The following ROBO2 variants were observed in gnomAD, a reference collection of about 807,000 sequenced individuals.
The protein encoded by ROBO2 is roundabout homolog 2.
In ROBO2, 53 loss-of-function variants were observed where a neutral mutation model predicts 160.8. The observed-to-expected ratio is 0.33, with a 90% CI of 0.26 to 0.41. The LOEUF is 0.41. ROBO2 is among the 10% of genes least tolerant of loss of function. ROBO2 has a pLI of 1.00. For missense variants in ROBO2, 1,577 were observed against 1,722.4 expected (o/e 0.92, Z 1.49); for synonymous variants, 664 against 611.7 (o/e 1.09, Z -1.26).
rs1159916465 is a variant in ROBO2, at chr3:77,188,831, A to G, written c.388+90491A>G. Among the ~76,000 whole-genome samples, 3 of 151,892 alleles carry G rather than the reference A, an allele frequency of 2.0e-5. No homozygotes were observed. The South Asian group carries it at 6.2e-4, about 31-fold the overall frequency. The stretch of plus-strand genomic sequence containing the variant: ...ATAGTCTTACATAGAGCCAAATAGC[A>G]GACTAGAATAAAAGGGATTATTTTA... On this transcript the variant is annotated intron_variant, in intron 2 of 25. Transcript: ENST00000461745.
intron 2 of ROBO2, among the ~76,000 whole-genome samples, chr3:77,024,931 C>A (rs1414726233): frequency 6.6e-6 from 1 of 151,524 alleles, no homozygotes; most frequent in African/African-American, 2.4e-5. Flanking sequence ...ATTAGCCTGA[C>A]CTTTTTCTGT....
At chr3:77,555,069 C>T (rs2093062307) in intron 8 of ROBO2, among the ~76,000 whole-genome samples, 1 of 151,992 alleles carries the variant, frequency 6.6e-6, no homozygotes, top group Non-Finnish European at 1.5e-5. Context: ...TAGCAACCAT[C>T]AGCACTGAGG....
rs149083886 is a variant in ROBO2 at position 76,868,460 on chromosome 3, A to G, written c.110-229554A>G. Among the ~76,000 whole-genome samples the G allele has an allele frequency of 3.9e-5, 6 of 152,346 alleles. 1 individual carries two copies. Among genetic ancestry groups the G allele is most frequent in the African/African-American group, 1.4e-4 (6 of 41,592 alleles). On this transcript the variant is annotated intron_variant, in intron 2 of 26. Transcript: ENST00000487694. ...AAACATACTTGTTACGTTCATTAAT[A>G]CATTAAAATTTAGACAAACACTTAT...
intron 2 of ROBO2, among the ~76,000 whole-genome samples, chr3:77,292,120 A>T (rs1230161982): frequency 5.3e-4 from 80 of 151,798 alleles, no homozygotes; most frequent in Non-Finnish European, 6.8e-4. Context: ...CTGAGGCTAG[A>T]TCACCCCAGA....
chr3:76,964,620 A>G (rs150691178), intron 2 of ROBO2, among the ~76,000 whole-genome samples: 1 of 152,276 alleles, frequency 6.6e-6, no homozygotes, highest in African/African-American at 2.4e-5. Context: ...CTCCTAATAT[A>G]TCATCTGCAT....
intron 2 of ROBO2, among the ~76,000 whole-genome samples, chr3:76,895,203 A>G (rs1307768483): frequency 1.3e-5 from 2 of 151,796 alleles, no homozygotes; most frequent in East Asian, 3.9e-4. Flanking sequence ...TCTTTACTCT[A>G]AATCATTTAG....
chr3:76,866,980 C>T (rs1267387827), intron 2 of ROBO2, among the ~76,000 whole-genome samples: 1 of 152,098 alleles, frequency 6.6e-6, no homozygotes, highest in Non-Finnish European at 1.5e-5. Context: ...CACTAAGTGA[C>T]TTAGAATATG....
At chr3:76,216,678 C>T (rs1703556232) in intron 2 of ROBO2, among the ~76,000 whole-genome samples, 1 of 152,052 alleles carries the variant, frequency 6.6e-6, no homozygotes, top group South Asian at 2.1e-4. Context: ...TAGAGACCTA[C>T]AAAGAGACTT....
At chr3:75,920,366 T>C (rs746753835) in intron 1 of ROBO2, among the ~76,000 whole-genome samples, 4 of 152,250 alleles carry the variant, frequency 2.6e-5, no homozygotes, top group Admixed American at 6.5e-5. Flanking sequence ...TTCTGAGTTC[T>C]AATTTGATTA....
At chr3:76,726,966 G>T (rs191733364) in intron 2 of ROBO2, among the ~76,000 whole-genome samples, 29 of 152,280 alleles carry the variant, frequency 1.9e-4, no homozygotes, top group African/African-American at 6.5e-4. Context: ...AATTATTTAT[G>T]ACTGACACAC....
chr3:77,622,495 C>G, intron 23 of ROBO2, 63 bp downstream of exon 24: 1 of 1,301,424 alleles, frequency 7.7e-7, no homozygotes, highest in Non-Finnish European at 1.1e-6. Flanking sequence ...CATCAAAAGT[C>G]AACTACTTCC....
At chr3:76,298,161 TTTAA>T (rs1490177035) in intron 2 of ROBO2, among the ~76,000 whole-genome samples, 1 of 152,178 alleles carries the variant, frequency 6.6e-6, no homozygotes, top group Non-Finnish European at 1.5e-5. Context: ...TCCTAAGTGA[TTTAA>T]TTGTTTAGCA....
intron 5 of ROBO2, among the ~76,000 whole-genome samples, chr3:77,498,112 T>G (rs11922367): frequency 0.032 from 4,908 of 152,236 alleles, 263 homozygotes; most frequent in African/African-American, 0.11. Flanking sequence ...TTTAAAGAAC[T>G]GTAAACAGGA....
intron 2 of ROBO2, among the ~76,000 whole-genome samples, chr3:76,034,506 G>C (rs2067035201): frequency 6.6e-6 from 1 of 152,180 alleles, no homozygotes; most frequent in South Asian, 2.1e-4. Context: ...AAAGAACAAA[G>C]TTGAAAGTAT....
chr3:77,618,788 T>G (rs1031793031), intron 22 of ROBO2, among the ~76,000 whole-genome samples: 1 of 152,188 alleles, frequency 6.6e-6, no homozygotes, highest in Non-Finnish European at 1.5e-5. Flanking sequence ...AAGATATTCT[T>G]GAACATTTTC....
intron 2 of ROBO2, among the ~76,000 whole-genome samples, chr3:76,760,533 T>A (rs898412830): frequency 6.6e-5 from 10 of 151,780 alleles, no homozygotes; most frequent in Non-Finnish European, 1.3e-4. Flanking sequence ...CCATGCAATC[T>A]GGGATCTCCA....
At position 77,092,304 on chromosome 3, in the gene ROBO2, A is replaced by G. The variant is rs951345070; in HGVS notation, c.62-5710A>G. 13 of 151,622 alleles carry G rather than the reference A, an allele frequency of 8.6e-5. No homozygotes were observed. In the East Asian group the frequency reaches 2.3e-3, roughly 27 times the overall value. The allele number at this position is 151,622 out of a possible 1,614,324, so 9.4% of individuals were successfully genotyped here. On this transcript the variant is annotated intron_variant, in intron 1 of 25. Transcript: ENST00000461745. ...AACCTTAGAAGAGGTCTTTGGAATT[A>G]GCCTAGATGCCATGTGCATTCTTTA...
chr3:76,686,183 G>A (rs1288807132), intron 2 of ROBO2, among the ~76,000 whole-genome samples: 1 of 152,024 alleles, frequency 6.6e-6, no homozygotes, highest in African/African-American at 2.4e-5. Flanking sequence ...TAGTTTTCTG[G>A]TTGAATCAGT....
intron 2 of ROBO2, among the ~76,000 whole-genome samples, chr3:76,400,887 A>T (rs577200690): frequency 1.3e-5 from 2 of 151,378 alleles, no homozygotes; most frequent in African/African-American, 2.4e-5. Context: ...GAAAGTTTCA[A>T]CTCTTGTTTT....
Sources: gnomAD v4.1 joint callset for allele counts (sites outside exome capture counted in the v4.1 genomes callset) on GRCh38, gnomAD v4.1.1 for gene constraint, MANE v1.5 for transcripts, NCBI Gene and HGNC (gene_info 2026-07-23, HGNC 2026-07-21) for gene names.